TLCD4: variants seen among roughly 807,000 people sequenced by gnomAD.
TLCD4 encodes TLC domain containing 4.
TLCD4 carries 7 observed loss-of-function variants against 24.2 expected under a neutral mutation model. The ratio of observed to expected loss-of-function variants is 0.29; its 90% CI spans 0.16 to 0.54. The LOEUF is 0.54. Ranked by LOEUF, TLCD4 falls within the 20% of genes least tolerant of loss-of-function variation. The probability of loss-of-function intolerance (pLI) is 0.95; values close to 1 mark genes in which losing one functional copy is unlikely to be tolerated. For missense variants in TLCD4, 259 were observed against 313.9 expected (o/e 0.82, Z 1.32); for synonymous variants, 103 against 106.4 (o/e 0.97, Z 0.20).
rs1000133360 is a variant in TLCD4, at chr1:95,193,378, A to G, written c.*1510A>G. On this transcript the variant is annotated 3_prime_UTR_variant, in exon 7 of 7. Coordinates refer to ENST00000370203, the MANE Select transcript of TLCD4 (RefSeq NM_152487.3). ...TCTTGCAATCCAAATATAGAATTAT[A>G]TATTTATCTATTATTGCCTTTATTC... 3 of 152,112 alleles carry G rather than the reference A, an allele frequency of 2.0e-5. No homozygotes were observed. Among genetic ancestry groups the G allele is most frequent in the African/African-American group, 7.2e-5 (3 of 41,442 alleles). The allele number at this position is 152,112 out of a possible 1,614,324, so 9.4% of individuals were successfully genotyped here.
the TLCD4 span, among the ~76,000 whole-genome samples, chr1:95,111,704 G>A: frequency 6.6e-6 from 1 of 152,198 alleles, no homozygotes; most frequent in South Asian, 2.1e-4. Flanking sequence ...GACTGTGGAA[G>A]GCAGGGGCAG....
At chr1:95,115,052 T>C (rs1025706326), upstream of TLCD4, among the ~76,000 whole-genome samples, 1 of 147,814 alleles carries the variant, frequency 6.8e-6, no homozygotes, top group Non-Finnish European at 1.5e-5. Flanking sequence ...CAATTAATAA[T>C]ACAGATTTAA....
chr1:95,132,288 C>T (rs1676918062), intron 1 of TLCD4, among the ~76,000 whole-genome samples: 1 of 151,966 alleles, frequency 6.6e-6, no homozygotes, highest in Non-Finnish European at 1.5e-5. Flanking sequence ...AACCCTGTTT[C>T]TACTAAAAAT....
intron 5 of TLCD4, among the ~76,000 whole-genome samples, chr1:95,166,103 G>T (rs1027771336): frequency 6.6e-6 from 1 of 152,184 alleles, no homozygotes; most frequent in Non-Finnish European, 1.5e-5. Context: ...ATCTGAGAGA[G>T]CAGTATAGTT....
chr1:95,162,160 A>G (rs530671260), intron 5 of TLCD4, among the ~76,000 whole-genome samples: 56 of 152,118 alleles, frequency 3.7e-4, no homozygotes, highest in Non-Finnish European at 6.3e-4. Context: ...GTCTCTAAGG[A>G]CTTGCTTTAT....
At chr1:95,156,099 A>G (rs1044890978) in intron 5 of TLCD4, among the ~76,000 whole-genome samples, 1 of 152,192 alleles carries the variant, frequency 6.6e-6, no homozygotes, top group Non-Finnish European at 1.5e-5. Context: ...CTGATTCTCC[A>G]GAGATAACTA....
chr1:95,177,607 G>T (rs1378873582), intron 6 of TLCD4, among the ~76,000 whole-genome samples: 2 of 151,840 alleles, frequency 1.3e-5, no homozygotes, highest in African/African-American at 4.8e-5. Flanking sequence ...TTGTTTAACC[G>T]CTAGACCACC....
chr1:95,189,417 A>G (rs1245377481), intron 6 of TLCD4, among the ~76,000 whole-genome samples: 1 of 152,110 alleles, frequency 6.6e-6, no homozygotes, highest in African/African-American at 2.4e-5. Context: ...ATTGTTTAAA[A>G]TTTTGCATAC....
At chr1:95,099,851 G>A in the TLCD4 span, among the ~76,000 whole-genome samples, 2 of 151,530 alleles carry the variant, frequency 1.3e-5, no homozygotes, top group African/African-American at 4.9e-5. Context: ...TCACTATTTG[G>A]TCAGGTACGG....
At chr1:95,123,110 G>A (rs138136333) in intron 1 of TLCD4, among the ~76,000 whole-genome samples, 1 of 152,142 alleles carries the variant, frequency 6.6e-6, no homozygotes, top group Non-Finnish European at 1.5e-5. Flanking sequence ...CGCCTAACCC[G>A]GGACATGATT....
At chr1:95,175,023 G>A (rs774488048) in intron 6 of TLCD4, among the ~76,000 whole-genome samples, 10 of 152,194 alleles carry the variant, frequency 6.6e-5, no homozygotes, top group South Asian at 2.1e-4. Context: ...TGATCCACCC[G>A]CTTTGGCCTC....
chr1:95,159,113 C>T lies in TLCD4; in HGVS notation c.399+7694C>T, dbSNP rs567318407. Reference sequence around the variant, plus strand: ...CTTCCACAATGGTTGAACTAGTTTACACTCCCACCAATGGTGTAAAAGTGT... The same window carrying T: ...CTTCCACAATGGTTGAACTAGTTTATACTCCCACCAATGGTGTAAAAGTGT... On this transcript the variant is annotated intron_variant, in intron 5 of 6. Transcript: ENST00000370203. Among the ~76,000 whole-genome samples the T allele has an allele frequency of 1.2e-4, 18 of 152,306 alleles. No individual in the cohort carries two copies. In the South Asian group the frequency reaches 3.1e-3, roughly 26 times the overall value.
At chr1:95,129,918 A>T (rs541112858) in intron 1 of TLCD4, among the ~76,000 whole-genome samples, 1 of 152,342 alleles carries the variant, frequency 6.6e-6, no homozygotes, top group East Asian at 1.9e-4. Flanking sequence ...TACACTCACG[A>T]TAATGGTTCT....
At chr1:95,145,008 G>T (rs1372977504) in intron 2 of TLCD4, among the ~76,000 whole-genome samples, 1 of 152,108 alleles carries the variant, frequency 6.6e-6, no homozygotes, top group Non-Finnish European at 1.5e-5. Context: ...TAAAAAGTTG[G>T]TTGCAATTTT....
chr1:95,147,359 C>T (rs1264812279), intron 2 of TLCD4, among the ~76,000 whole-genome samples: 1 of 152,190 alleles, frequency 6.6e-6, no homozygotes, highest in Non-Finnish European at 1.5e-5. Context: ...CAGGTGTGAG[C>T]CACCATGCCC....
the TLCD4 span, among the ~76,000 whole-genome samples, chr1:95,095,375 T>C: frequency 3.3e-5 from 5 of 152,148 alleles, no homozygotes; most frequent in African/African-American, 1.2e-4. Context: ...GCACATTACT[T>C]AACCTCTTTA....
In TLCD4 at chr1:95,196,447, C is replaced by A. The variant is rs1039393149; in HGVS notation, c.*4579C>A. ...CTTGGTGTTTTCCAAAGTACAACAT[C>A]CAAGGCTTGAACCTTACCCGTTTCT... On this transcript the variant is annotated 3_prime_UTR_variant, in exon 7 of 7. Coordinates refer to ENST00000370203, the MANE Select transcript of TLCD4 (RefSeq NM_152487.3). 4 of 152,212 alleles carry A rather than the reference C, an allele frequency of 2.6e-5. No homozygotes were observed. The highest frequency in any genetic ancestry group is 6.5e-5 in the Admixed American group (1 of 15,280). The allele number at this position is 152,212 out of a possible 1,614,324, so 9.4% of individuals were successfully genotyped here. A position where few individuals can be genotyped will look rare whatever the true frequency, so the allele number is the denominator to read the frequency against.
chr1:95,154,983 A>T (rs1023140716), intron 5 of TLCD4, among the ~76,000 whole-genome samples: 2 of 151,454 alleles, frequency 1.3e-5, no homozygotes, highest in African/African-American at 4.8e-5. Context: ...CCCAGAACTT[A>T]TTTCCTACCA....
At chr1:95,141,833 A>ACACACAC (rs1557682576) in intron 1 of TLCD4, among the ~76,000 whole-genome samples, 25 of 149,746 alleles carry the variant, frequency 1.7e-4, no homozygotes, top group South Asian at 4.2e-4. Flanking sequence ...ACACACACAC[A>ACACACAC]AAGAATGAGG....
Sources: gnomAD v4.1 joint callset for allele counts (sites outside exome capture counted in the v4.1 genomes callset) on GRCh38, gnomAD v4.1.1 for gene constraint, MANE v1.5 for transcripts, NCBI Gene and HGNC (gene_info 2026-07-23, HGNC 2026-07-21) for gene names.